ZSCAN25: variants seen among roughly 807,000 people sequenced by gnomAD.
ZSCAN25 encodes zinc finger and SCAN domain containing 25, also known as zinc finger and SCAN domain-containing protein 25.
Under a neutral mutation model 38.7 loss-of-function variants are expected in ZSCAN25, and 27 were observed. The ratio of observed to expected loss-of-function variants is 0.70; its 90% CI spans 0.51 to 0.96. The LOEUF is 0.96. Among genes scored for constraint, ZSCAN25 ranks in the 40% least tolerant of loss-of-function variants. The probability of loss-of-function intolerance (pLI) is 0.00; values close to 1 mark genes in which losing one functional copy is unlikely to be tolerated. For synonymous variants in ZSCAN25, 273 were observed against 277.7 expected (o/e 0.98, Z 0.17); for missense variants, 637 against 705.9 (o/e 0.90, Z 1.11).
chr7:99,665,266 T>C, the ZSCAN25 span: 4 of 1,614,156 alleles, frequency 2.5e-6, no homozygotes, highest in Non-Finnish European at 3.4e-6. Flanking sequence ...CGATGTTCAC[T>C]CCAAATGATG....
the ZSCAN25 span, chr7:99,715,630 A>G: frequency 7.9e-4 from 1,171 of 1,486,994 alleles, no homozygotes; most frequent in Non-Finnish European, 9.5e-4. Flanking sequence ...GGTCGTACAT[A>G]TCTTCAAATG....
chr7:99,672,987 G>T, the ZSCAN25 span: 1 of 797,664 alleles, frequency 1.3e-6, no homozygotes, highest in Non-Finnish European at 1.6e-6. Context: ...AAGCTGGGTG[G>T]TACATACGTG....
At chr7:99,670,188 T>C in the ZSCAN25 span, among the ~76,000 whole-genome samples, 1 of 152,206 alleles carries the variant, frequency 6.6e-6, no homozygotes, top group Non-Finnish European at 1.5e-5. Context: ...CTGTTTATGG[T>C]ATCAAACAAA....
At chr7:99,719,157 A>G in the ZSCAN25 span, among the ~76,000 whole-genome samples, 1 of 152,170 alleles carries the variant, frequency 6.6e-6, no homozygotes, top group East Asian at 1.9e-4. Context: ...CTCATTCTGA[A>G]TTTTTATGGA....
the ZSCAN25 span, among the ~76,000 whole-genome samples, chr7:99,697,295 G>T: frequency 6.6e-6 from 1 of 152,120 alleles, no homozygotes; most frequent in Non-Finnish European, 1.5e-5. Flanking sequence ...CCAACTGAGG[G>T]TTCTGGATAT....
the ZSCAN25 span, chr7:99,711,037 C>T: frequency 1.0e-5 from 14 of 1,369,000 alleles, no homozygotes; most frequent in Admixed American, 4.2e-5. Context: ...GGTGGTTTCA[C>T]TCTGATGTGT....
At chr7:99,717,563 A>G in the ZSCAN25 span, 1 of 1,613,772 alleles carries the variant, frequency 6.2e-7, no homozygotes. Context: ...TGGAGACAGC[A>G]ATGATCGTAT....
the ZSCAN25 span, among the ~76,000 whole-genome samples, chr7:99,694,360 G>A: frequency 6.6e-6 from 1 of 152,326 alleles, no homozygotes; most frequent in East Asian, 1.9e-4. Flanking sequence ...GCATGTTGTT[G>A]AGTGAGAAAA....
At chr7:99,722,100 A>T in the ZSCAN25 span, among the ~76,000 whole-genome samples, 1 of 152,334 alleles carries the variant, frequency 6.6e-6, no homozygotes, top group South Asian at 2.1e-4. Context: ...CACATAGCTT[A>T]TAATGGCACA....
chr7:99,676,307 T>C, the ZSCAN25 span: 1 of 1,586,090 alleles, frequency 6.3e-7, no homozygotes, highest in Non-Finnish European at 8.6e-7. Context: ...GAGAGGGAGG[T>C]AATATGTACA....
Position 99,631,346 on chromosome 7 carries a change from T to A in ZSCAN25, c.*1326T>A. On this transcript the variant is annotated 3_prime_UTR_variant, in exon 8 of 8. Coordinates refer to ENST00000394152, the MANE Select transcript of ZSCAN25 (RefSeq NM_145115.3). ...AAGTCAGGAAAAATAAAGATATTTG[T>A]AGGCATTAAAAAAAAATACATTTCT... is the stretch of plus-strand genomic sequence containing the variant. 1.0e-6 allele frequency: 1 copy of A among 984,636 alleles called. No individual in the cohort carries two copies. The highest frequency in any genetic ancestry group is 1.2e-6 in the Non-Finnish European group (1 of 829,758). The allele number at this position is 984,636 out of a possible 1,614,324, so 61.0% of individuals were successfully genotyped here.
the ZSCAN25 span, chr7:99,649,950 A>G: frequency 1.6e-6 from 2 of 1,243,950 alleles, no homozygotes; most frequent in East Asian, 5.1e-5. Flanking sequence ...TCAAAGATGG[A>G]TCCAAGTAGG....
downstream of ZSCAN25, among the ~76,000 whole-genome samples, chr7:99,633,063 G>A (rs986042864): frequency 4.7e-5 from 7 of 148,594 alleles, no homozygotes; most frequent in Admixed American, 6.8e-5. Flanking sequence ...TCAGCTCACC[G>A]CAACCTCCCT....
chr7:99,708,169 C>T, the ZSCAN25 span, among the ~76,000 whole-genome samples: 5 of 152,236 alleles, frequency 3.3e-5, no homozygotes, highest in East Asian at 7.7e-4. Flanking sequence ...ACTCTCCTTA[C>T]ATTATAGGAG....
At chr7:99,734,026 G>A in the ZSCAN25 span, among the ~76,000 whole-genome samples, 5 of 152,098 alleles carry the variant, frequency 3.3e-5, no homozygotes, top group African/African-American at 4.8e-5. Context: ...TGAACTAATA[G>A]CCCTCTTTTA....
At chr7:99,677,128 T>C in the ZSCAN25 span, 1 of 969,210 alleles carries the variant, frequency 1.0e-6, no homozygotes. Context: ...GTGTTCACTA[T>C]GGCAGGCCTG....
At chr7:99,708,580 T>C in the ZSCAN25 span, among the ~76,000 whole-genome samples, 2 of 152,166 alleles carry the variant, frequency 1.3e-5, no homozygotes, top group African/African-American at 2.4e-5. Context: ...ATGATGCTAC[T>C]GTATTGATGG....
At chr7:99,638,098 C>T in the ZSCAN25 span, 1 of 781,018 alleles carries the variant, frequency 1.3e-6, no homozygotes, top group Non-Finnish European at 1.9e-6. Flanking sequence ...ACCCCCAAGC[C>T]CTCTCCCCCC....
the ZSCAN25 span, chr7:99,717,176 C>A: frequency 1.2e-6 from 2 of 1,613,848 alleles, no homozygotes; most frequent in Non-Finnish European, 1.7e-6. Flanking sequence ...CTCCTACTTA[C>A]TGTTTCAAGG....
Sources: allele counts gnomAD v4.1 joint callset (sites outside exome capture counted in the v4.1 genomes callset), GRCh38; gene constraint gnomAD v4.1.1; transcripts MANE v1.5; gene names NCBI Gene and HGNC (gene_info 2026-07-23, HGNC 2026-07-21).